The following HSPA13 variants were observed in gnomAD, a reference collection of about 807,000 sequenced individuals.
HSPA13 encodes the protein heat shock 70 kDa protein 13.
Under a neutral mutation model 38.8 loss-of-function variants are expected in HSPA13, and 29 were observed. That is an observed-to-expected ratio of 0.75 (90% CI 0.56 to 1.02). HSPA13 has a LOEUF of 1.02. Ranked by LOEUF, HSPA13 falls within the 50% of genes least tolerant of loss-of-function variation. The probability of loss-of-function intolerance (pLI) is 0.00; values close to 1 mark genes in which losing one functional copy is unlikely to be tolerated. For missense variants in HSPA13, 451 were observed against 560.9 expected (o/e 0.80, Z 1.98); for synonymous variants, 192 against 205.3 (o/e 0.94, Z 0.56).
chr21:14,374,471 T>C (rs1983966643), intron 4 of HSPA13, among the ~76,000 whole-genome samples, 187 bp from the exon 5 acceptor site: 1 of 152,198 alleles, frequency 6.6e-6, no homozygotes, highest in African/African-American at 2.4e-5. Flanking sequence ...GTCTCACACC[T>C]GTAATCCTAG....
rs1982827379 is a variant in HSPA13, at chr21:14,371,525, ATGAT to A, written c.*2088_*2091del. 6.6e-6 allele frequency: 1 copy of A among 152,158 alleles called. No homozygotes were observed. The highest frequency in any genetic ancestry group is 6.5e-5 in the Admixed American group (1 of 15,272). The allele number at this position is 152,158 out of a possible 1,614,324, so 9.4% of individuals were successfully genotyped here. On this transcript the variant is annotated 3_prime_UTR_variant, in exon 5 of 5. Coordinates refer to ENST00000285667, the MANE Select transcript of HSPA13 (RefSeq NM_006948.5). ...CTATTTATAAATAGCCCACTAAAAT[ATGAT>A]TGAAGACATTCCTTCATTTTATTAA...
chr21:14,381,941 G>C (rs746251076), intron 1 of HSPA13, among the ~76,000 whole-genome samples: 6 of 152,036 alleles, frequency 3.9e-5, no homozygotes, highest in African/African-American at 1.4e-4. Flanking sequence ...TTTATAAAAA[G>C]CTTCGATTAT....
chr21:14,374,948 C>T (rs1983982907), intron 4 of HSPA13, among the ~76,000 whole-genome samples: 1 of 151,818 alleles, frequency 6.6e-6, no homozygotes, highest in Admixed American at 6.6e-5. Flanking sequence ...AATATAATTT[C>T]CTGGTATTTA....
At position 14,373,328 on chromosome 21, in the gene HSPA13, C is replaced by A. The variant is rs942241392; in HGVS notation, c.*289G>T. 3.2e-6 allele frequency: 1 copy of A among 309,452 alleles called. No homozygotes were observed. Among genetic ancestry groups the A allele is most frequent in the Non-Finnish European group, 6.0e-6 (1 of 167,548 alleles). 19.2% of individuals were successfully genotyped at this position (309,452 alleles called of 1,614,324 possible). On this transcript the variant is annotated 3_prime_UTR_variant, in exon 5 of 5. Transcript: ENST00000285667. ...AATGTTAAGTGCATATGGTTATCAA[C>A]CTCCAGAATCCAGAAAATATAGTTA...
chr21:14,383,052 G>A (rs376476565), intron 1 of HSPA13, 43 bp downstream of exon 1: 3 of 1,612,150 alleles, frequency 1.9e-6, no homozygotes, highest in South Asian at 1.1e-5. Context: ...TCCTCAGATC[G>A]CCTCTACGCC....
chr21:14,376,229 C>G (rs751976007), intron 3 of HSPA13, among the ~76,000 whole-genome samples: 10 of 152,022 alleles, frequency 6.6e-5, no homozygotes, highest in Non-Finnish European at 1.3e-4. Context: ...CTGGCTAACA[C>G]GGTGAAACCC....
At chr21:14,375,887 A>C in intron 3 of HSPA13, 68 bp from the exon 4 acceptor site, 1 of 1,298,222 alleles carries the variant, frequency 7.7e-7, no homozygotes. Flanking sequence ...TCCCACTTAC[A>C]GCATGTTTGT....
rs1334609486 is a variant in HSPA13 at position 14,381,203 on chromosome 21, C to T, written c.366G>A (p.Lys122=). The T allele has an allele frequency of 1.3e-6, 2 of 1,593,368 alleles. No individual in the cohort carries two copies. The highest frequency in any genetic ancestry group is 8.6e-7 in the Non-Finnish European group (1 of 1,167,790). The change falls in exon 2 of 5, where the codon AAG becomes AAA. Residue 122 remains lysine, a splice_region_variant and synonymous_variant. Coordinates refer to ENST00000285667, the MANE Select transcript of HSPA13 (RefSeq NM_006948.5). The part of the protein sequence containing the change: ...LEAEIGRYPF[K]VLNKNGMVEF... Reference sequence around the variant, plus strand: ...TATAGATTTTAGATTAATCACTTACCTTAAATGGGTATCTGCCAATTTCAG... The same window carrying T: ...TATAGATTTTAGATTAATCACTTACTTTAAATGGGTATCTGCCAATTTCAG...
intron 2 of HSPA13, among the ~76,000 whole-genome samples, chr21:14,379,078 C>T (rs576483060): frequency 3.9e-5 from 6 of 152,110 alleles, no homozygotes; most frequent in African/African-American, 1.2e-4. Flanking sequence ...AATCTTTTCC[C>T]TTTTTTTCCC....
intron 1 of HSPA13, among the ~76,000 whole-genome samples, 169 bp downstream of exon 1, chr21:14,382,926 C>G (rs1295951243): frequency 5.3e-5 from 8 of 152,122 alleles, no homozygotes; most frequent in Admixed American, 2.0e-4. Context: ...AGAGGCGTCC[C>G]CGCCCCCATC....
intron 1 of HSPA13, among the ~76,000 whole-genome samples, chr21:14,382,208 T>C (rs1383304424): frequency 6.6e-6 from 1 of 152,032 alleles, no homozygotes. Context: ...AGAAGAAGCA[T>C]AAAGGTGGGC....
chr21:14,374,056 G>A lies in HSPA13; in HGVS notation c.977C>T (p.Thr326Ile), dbSNP rs1456713997. 1.2e-6 allele frequency: 2 copies of A among 1,614,190 alleles called. No individual in the cohort carries two copies. The highest frequency in any genetic ancestry group is 8.5e-7 in the Non-Finnish European group (1 of 1,180,032). ...QDRKEPHSSD[T>I]ELPKDKLSSA... ...GGAAAGTTTGTCTTTTGGCAGTTCAGTGTCACTACTGTGAGGTTCCTTCCT... is the reference window on the plus strand; with the variant it reads ...GGAAAGTTTGTCTTTTGGCAGTTCAATGTCACTACTGTGAGGTTCCTTCCT... Residue 326 changes from threonine to isoleucine, a missense_variant, in exon 5 of 5, where the codon ACT becomes ATT. Physicochemically the swap from Thr to Ile is moderately conservative, Grantham distance 89 (BLOSUM62 -1). Transcript: ENST00000285667.
chr21:14,378,191 A>G lies in HSPA13; in HGVS notation c.580+8T>C, dbSNP rs771856765. 7 of 1,605,848 alleles carry G rather than the reference A, an allele frequency of 4.4e-6. No homozygotes were observed. The highest frequency in any genetic ancestry group is 6.0e-6 in the Non-Finnish European group (7 of 1,172,548). On this transcript the variant is annotated splice_region_variant and intron_variant, in intron 3 of 4. Coordinates refer to ENST00000285667, the MANE Select transcript of HSPA13 (RefSeq NM_006948.5). ...AGAAAAATGCATCTCAGTCAAGGGT[A>G]CTGTTACCTGCAAGGTTAGCAGCTT...
chr21:14,375,768 TAG>T lies in HSPA13; in HGVS notation c.630_631del (p.Tyr211TrpfsTer6). On this transcript the variant is annotated frameshift_variant, in exon 4 of 5. Coordinates refer to ENST00000285667, the MANE Select transcript of HSPA13 (RefSeq NM_006948.5). LOFTEE classifies it high-confidence loss of function. Reference sequence around the variant, plus strand: ...GAAGACGTCAGCCTTGTGGAGACCATAGGCCATAGCTGCTGCTGTGGGTTCAT... The same window carrying T: ...GAAGACGTCAGCCTTGTGGAGACCATGCCATAGCTGCTGCTGTGGGTTCAT... 1 of 1,614,074 alleles carries T rather than the reference TAG, an allele frequency of 6.2e-7. No individual in the cohort carries two copies. Among genetic ancestry groups the T allele is most frequent in the African/African-American group, 1.3e-5 (1 of 75,048 alleles).
rs551196265 is a variant in HSPA13, at chr21:14,381,375, A to C, written c.194T>G (p.Ile65Ser). 1.3e-5 allele frequency: 21 copies of C among 1,614,036 alleles called. No individual in the cohort carries two copies. Among genetic ancestry groups the C allele is most frequent in the African/African-American group, 4.0e-5 (3 of 74,916 alleles). The change falls in exon 2 of 5, where the codon ATC (isoleucine) becomes AGC (serine). Residue 65 changes from isoleucine to serine, a missense_variant. Physicochemically the swap from Ile to Ser is moderately radical, Grantham distance 142 (BLOSUM62 -2). Transcript: ENST00000285667. ...VKVIPDENGH[I>S]SIPSMVSFTD... is the part of the protein sequence containing the mutation. ...AAAAGACACCATGCTGGGTATGCTG[A>C]TATGCCCATTTTCATCTGGAATCAC...
chr21:14,371,279 G>A lies in HSPA13; in HGVS notation c.*2338C>T, dbSNP rs1982820262. 6.6e-6 allele frequency: 1 copy of A among 152,594 alleles called. No homozygotes were observed. The highest frequency in any genetic ancestry group is 1.5e-5 in the Non-Finnish European group (1 of 68,018). 9.5% of individuals were successfully genotyped at this position (152,594 alleles called of 1,614,324 possible). The stretch of plus-strand genomic sequence containing the variant: ...AGTCAGTGGTTTGAGTGAAAACACA[G>A]TACCAAAACATTCCTGATACAAAAT... On this transcript the variant is annotated 3_prime_UTR_variant, in exon 5 of 5. Coordinates refer to ENST00000285667, the MANE Select transcript of HSPA13 (RefSeq NM_006948.5).
intron 4 of HSPA13, among the ~76,000 whole-genome samples, chr21:14,374,824 T>C (rs1426537536): frequency 6.6e-6 from 1 of 152,192 alleles, no homozygotes; most frequent in Non-Finnish European, 1.5e-5. Flanking sequence ...AAAAAGTAGG[T>C]ATTTAATCTC....
At chr21:14,378,837 C>T (rs796286066) in intron 2 of HSPA13, among the ~76,000 whole-genome samples, 6 of 152,012 alleles carry the variant, frequency 3.9e-5, no homozygotes, top group African/African-American at 1.4e-4. Flanking sequence ...CCAGGTTGGT[C>T]TTGAACTCCT....
intron 1 of HSPA13, 37 bp downstream of exon 1, chr21:14,383,058 A>G (rs1223818195): frequency 6.2e-7 from 1 of 1,613,386 alleles, no homozygotes; most frequent in Admixed American, 1.7e-5. Context: ...GATCGCCTCT[A>G]CGCCCGCAAG....
Sources: gnomAD v4.1 joint callset for allele counts (sites outside exome capture counted in the v4.1 genomes callset) on GRCh38, gnomAD v4.1.1 for gene constraint, MANE v1.5 for transcripts, NCBI Gene and HGNC (gene_info 2026-07-23, HGNC 2026-07-21) for gene names.